The following AFF1 variants were observed in gnomAD, a reference collection of about 807,000 sequenced individuals.
AFF1 encodes AF4/FMR2 family member 1.
Under a neutral mutation model 121.7 loss-of-function variants are expected in AFF1, and 48 were observed. The ratio of observed to expected loss-of-function variants is 0.39; its 90% CI spans 0.31 to 0.50. The LOEUF (loss-of-function observed/expected upper bound fraction) is 0.50. AFF1 is among the 20% of genes least tolerant of loss of function. AFF1 has a pLI of 0.76. For missense variants in AFF1, 1,523 were observed against 1,511.7 expected (o/e 1.01, Z -0.12); for synonymous variants, 613 against 563.0 (o/e 1.09, Z -1.26).
chr4:87,029,848 AAGCTTTGG>A (rs1195684768), intron 2 of AFF1, among the ~76,000 whole-genome samples: 1 of 152,188 alleles, frequency 6.6e-6, no homozygotes, highest in Non-Finnish European at 1.5e-5. Flanking sequence ...TGAAAAGGTC[AAGCTTTGG>A]AGATGGGGAA....
chr4:86,937,191 A>G (rs1178706930), intron 1 of AFF1, among the ~76,000 whole-genome samples: 1 of 152,224 alleles, frequency 6.6e-6, no homozygotes, highest in African/African-American at 2.4e-5. Context: ...TAACAATTGA[A>G]TTTGTGGCTT....
chr4:87,095,095 G>A, intron 8 of AFF1, 126 bp downstream of exon 8: 1 of 890,698 alleles, frequency 1.1e-6, no homozygotes, highest in Non-Finnish European at 1.7e-6. Flanking sequence ...CATTCTAAAG[G>A]GAAGAAAGGG....
chr4:86,998,956 G>A (rs1725476891), intron 2 of AFF1, among the ~76,000 whole-genome samples: 1 of 152,176 alleles, frequency 6.6e-6, no homozygotes, highest in African/African-American at 2.4e-5. Flanking sequence ...ATTGGTGATT[G>A]GCTCATAAAT....
In AFF1 at chr4:86,955,651, A is replaced by G. The variant is rs75825429; in HGVS notation, c.38+7080A>G. On this transcript the variant is annotated intron_variant, in intron 2 of 20. Coordinates refer to ENST00000395146, the MANE Select transcript of AFF1 (RefSeq NM_001166693.3). ...ATTTTTTACTTGAGGACAGGGGGAA[A>G]ACATGTTAAAATAAACCATAAGAAT... Among the ~76,000 whole-genome samples the G allele has an allele frequency of 9.7e-3, 1,479 of 152,280 alleles. 15 individuals are homozygous for G. The highest frequency in any genetic ancestry group is 0.017 in the Non-Finnish European group (1,136 of 68,018).
At chr4:87,025,837 A>G (rs1339858551) in intron 2 of AFF1, among the ~76,000 whole-genome samples, 3 of 152,118 alleles carry the variant, frequency 2.0e-5, no homozygotes, top group Non-Finnish European at 4.4e-5. Context: ...GCGTCTGTAC[A>G]TTGTCATCAG....
chr4:87,130,982 T>C, intron 16 of AFF1, 101 bp from the exon 17 acceptor site: 1 of 1,461,094 alleles, frequency 6.8e-7, no homozygotes, highest in Admixed American at 2.1e-5. Flanking sequence ...TGGCCATAAT[T>C]AAACTAAGAC....
At chr4:87,034,587 C>T (rs537435888) in intron 2 of AFF1, among the ~76,000 whole-genome samples, 9 of 152,286 alleles carry the variant, frequency 5.9e-5, no homozygotes, top group Admixed American at 5.2e-4. Flanking sequence ...GTTACCCAAA[C>T]GTAGTACCTT....
intron 2 of AFF1, among the ~76,000 whole-genome samples, chr4:86,996,121 C>T (rs1221591715): frequency 7.5e-4 from 114 of 151,286 alleles, no homozygotes; most frequent in African/African-American, 2.6e-3. Context: ...GGCCCCCGCC[C>T]GGCCAGCCGC....
chr4:87,006,442 A>G (rs566808430), intron 2 of AFF1, among the ~76,000 whole-genome samples: 3 of 152,280 alleles, frequency 2.0e-5, no homozygotes, highest in South Asian at 2.1e-4. Flanking sequence ...CAATCCCTTC[A>G]TTGCTTAAGA....
chr4:87,010,030 G>T (rs1384957299), intron 2 of AFF1, among the ~76,000 whole-genome samples: 4 of 152,156 alleles, frequency 2.6e-5, no homozygotes, highest in Admixed American at 2.6e-4. Context: ...AAATGGATTA[G>T]GCGGTGTATT....
chr4:87,045,815 C>T (rs1730630600), intron 2 of AFF1, among the ~76,000 whole-genome samples: 1 of 152,130 alleles, frequency 6.6e-6, no homozygotes, highest in Non-Finnish European at 1.5e-5. Context: ...ACCTCTACCC[C>T]ATATTTTGCA....
At chr4:87,054,507 T>C in intron 4 of AFF1, among the ~76,000 whole-genome samples, 1 of 152,226 alleles carries the variant, frequency 6.6e-6, no homozygotes, top group East Asian at 1.9e-4. Flanking sequence ...CTTATCTAGC[T>C]TTTCAGGTTC....
At chr4:87,035,453 C>G (rs548039395) in intron 2 of AFF1, among the ~76,000 whole-genome samples, 89 of 152,076 alleles carry the variant, frequency 5.9e-4, no homozygotes, top group African/African-American at 2.0e-3. Context: ...CCCAGCTACT[C>G]AGGAGGTTGA....
intron 4 of AFF1, among the ~76,000 whole-genome samples, chr4:87,074,606 G>A (rs1722467389): frequency 6.6e-6 from 1 of 152,098 alleles, no homozygotes; most frequent in South Asian, 2.1e-4. Flanking sequence ...ACCTATCCCA[G>A]CACACCCTAC....
intron 2 of AFF1, among the ~76,000 whole-genome samples, chr4:86,995,710 T>C (rs924107759): frequency 1.3e-5 from 2 of 151,708 alleles, no homozygotes; most frequent in South Asian, 2.1e-4. Context: ...AGTGCCGAGA[T>C]TGCAGCCTCT....
chr4:87,019,219 C>T (rs1211604266), intron 2 of AFF1, among the ~76,000 whole-genome samples: 1 of 152,072 alleles, frequency 6.6e-6, no homozygotes, highest in Admixed American at 6.5e-5. Context: ...GTTTAAGTAC[C>T]AGTGATATTA....
chr4:87,099,787 CTG>C (rs1725239997), intron 8 of AFF1, among the ~76,000 whole-genome samples: 1 of 152,164 alleles, frequency 6.6e-6, no homozygotes, highest in South Asian at 2.1e-4. Context: ...TTGTAACAAA[CTG>C]TAGGTGGCAT....
intron 2 of AFF1, among the ~76,000 whole-genome samples, chr4:86,969,063 C>CGGA (rs1160576066): frequency 6.6e-6 from 1 of 152,240 alleles, no homozygotes; most frequent in Non-Finnish European, 1.5e-5. Flanking sequence ...AGCCTCTCCA[C>CGGA]GGAGCGCCTC....
At position 87,138,851 on chromosome 4, in the gene AFF1, A is replaced by G; in HGVS notation, c.*3150A>G. ...AAAGACCTTCATATTATCTGTTTTG[A>G]CCAAAATATGTAGCTATTTCCCTTA... is the stretch of plus-strand genomic sequence containing the variant. On this transcript the variant is annotated 3_prime_UTR_variant, in exon 21 of 21. Coordinates refer to ENST00000395146, the MANE Select transcript of AFF1 (RefSeq NM_001166693.3). The G allele has an allele frequency of 4.4e-6, 1 of 229,274 alleles. No homozygotes were observed. The highest frequency in any genetic ancestry group is 8.6e-6 in the Non-Finnish European group (1 of 115,652). 14.2% of individuals were successfully genotyped at this position (229,274 alleles called of 1,614,324 possible). A position where few individuals can be genotyped will look rare whatever the true frequency, so the allele number is the denominator to read the frequency against.
Sources: gnomAD v4.1 joint callset for allele counts (sites outside exome capture counted in the v4.1 genomes callset) on GRCh38, gnomAD v4.1.1 for gene constraint, MANE v1.5 for transcripts, NCBI Gene and HGNC (gene_info 2026-07-23, HGNC 2026-07-21) for gene names.